The following COL25A1 variants were observed in gnomAD, a reference collection of about 807,000 sequenced individuals.
COL25A1 encodes collagen type XXV alpha 1 chain, also known as collagen alpha-1(XXV) chain.
A neutral mutation model predicts 128.4 loss-of-function variants in COL25A1; 103 were observed. That is an observed-to-expected ratio of 0.80 (90% CI 0.68 to 0.94). COL25A1 has a LOEUF of 0.94. COL25A1 is among the 40% of genes least tolerant of loss of function. The pLI, the probability that COL25A1 is intolerant of heterozygous loss-of-function variation, is 0.00. For synonymous variants in COL25A1, 279 were observed against 277.2 expected (o/e 1.01, Z -0.06); for missense variants, 745 against 840.0 (o/e 0.89, Z 1.40).
At chr4:108,955,574 G>C (rs1041806499) in intron 8 of COL25A1, among the ~76,000 whole-genome samples, 1 of 152,068 alleles carries the variant, frequency 6.6e-6, no homozygotes, top group Admixed American at 6.6e-5. Context: ...AATAAAAAAG[G>C]AAGTGAAAGT....
At chr4:108,865,319 T>G (rs1737753597) in intron 20 of COL25A1, among the ~76,000 whole-genome samples, 1 of 152,198 alleles carries the variant, frequency 6.6e-6, no homozygotes, top group African/African-American at 2.4e-5. Context: ...AAGATTCTTA[T>G]CTGTATCATG....
chr4:109,061,266 C>G (rs1237118460), intron 3 of COL25A1, among the ~76,000 whole-genome samples: 1 of 152,144 alleles, frequency 6.6e-6, no homozygotes, highest in African/African-American at 2.4e-5. Flanking sequence ...TTTTTCTCCT[C>G]TAGTATTTTT....
intron 3 of COL25A1, among the ~76,000 whole-genome samples, chr4:109,064,500 T>C (rs892615258): frequency 4.6e-5 from 7 of 152,222 alleles, no homozygotes; most frequent in Non-Finnish European, 8.8e-5. Context: ...GTTGTTTGTA[T>C]CTTTCTATCG....
chr4:108,833,175 AATT>A (rs1453091644), intron 31 of COL25A1, among the ~76,000 whole-genome samples: 1 of 152,108 alleles, frequency 6.6e-6, no homozygotes, highest in Non-Finnish European at 1.5e-5. Flanking sequence ...AGTAGAAGAA[AATT>A]ATTAAGTAAA....
chr4:109,007,948 G>A (rs1756196522), intron 6 of COL25A1, among the ~76,000 whole-genome samples: 1 of 152,136 alleles, frequency 6.6e-6, no homozygotes. Context: ...TACTATGACT[G>A]TGTTTCTTTT....
chr4:109,233,400 C>A (rs1256004326), intron 3 of COL25A1, among the ~76,000 whole-genome samples: 1 of 152,092 alleles, frequency 6.6e-6, no homozygotes, highest in Non-Finnish European at 1.5e-5. Context: ...TCTGATCCAA[C>A]TAGTACAAAA....
chr4:109,137,856 C>T lies in COL25A1; in HGVS notation c.368-87677G>A, dbSNP rs541582954. On this transcript the variant is annotated intron_variant, in intron 3 of 37. Transcript: ENST00000399132. ...ATTAACCAATGAGTAAAGTATCCTA[C>T]ATGCATCTGAAAGAAGAAGGCATGA... 1.1e-3 allele frequency among the ~76,000 whole-genome samples: 163 copies of T among 152,216 alleles called. 1 individual carries two copies. The highest frequency in any genetic ancestry group is 3.8e-3 in the African/African-American group (158 of 41,540).
intron 16 of COL25A1, among the ~76,000 whole-genome samples, chr4:108,895,938 CTTTTTTTTTT>C (rs35506597): frequency 1.4e-5 from 1 of 70,824 alleles, no homozygotes; most frequent in East Asian, 4.7e-4. Context: ...TATAATCAAA[CTTTTTTTTTT>C]TTTTTTTTTT....
chr4:109,122,599 G>A (rs909869623), intron 3 of COL25A1, among the ~76,000 whole-genome samples: 19 of 152,152 alleles, frequency 1.2e-4, no homozygotes, highest in African/African-American at 4.6e-4. Context: ...CTTATATGTT[G>A]TAACATGTAA....
chr4:108,853,910 C>T (rs1210533931), intron 24 of COL25A1, among the ~76,000 whole-genome samples: 1 of 152,122 alleles, frequency 6.6e-6, no homozygotes, highest in Non-Finnish European at 1.5e-5. Flanking sequence ...TTTATCCAGT[C>T]TATCATTGAT....
chr4:108,885,765 T>G (rs1359445707), intron 18 of COL25A1, among the ~76,000 whole-genome samples: 1 of 152,180 alleles, frequency 6.6e-6, no homozygotes, highest in Non-Finnish European at 1.5e-5. Flanking sequence ...AACGTATTGA[T>G]GGCAAATCTA....
Position 108,890,540 on chromosome 4 carries a change from G to T in COL25A1, c.907-807C>A, listed in dbSNP as rs79187723. Among the ~76,000 whole-genome samples the T allele has an allele frequency of 2.6e-3, 389 of 152,302 alleles. 4 individuals are homozygous for T. The highest frequency in any genetic ancestry group is 9.0e-3 in the African/African-American group (374 of 41,570). ...GGGGAAAATAATATGGAGGGTAGCT[G>T]GGAATGTTGCTTATTTCTGAAATGA... On this transcript the variant is annotated intron_variant, in intron 16 of 37. Coordinates refer to ENST00000399132, the MANE Select transcript of COL25A1 (RefSeq NM_198721.4).
Position 108,941,749 on chromosome 4 carries a change from C to T in COL25A1, c.493-312G>A, listed in dbSNP as rs530905655. On this transcript the variant is annotated intron_variant, in intron 8 of 37. Coordinates refer to ENST00000399132, the MANE Select transcript of COL25A1 (RefSeq NM_198721.4). The stretch of plus-strand genomic sequence containing the variant: ...CAGAAACAGGTAAGCAAGTGCACCC[C>T]TGCATTCTTCAGTCTGAGCAGAAAG... Among the ~76,000 whole-genome samples, 98 of 152,294 alleles carry T rather than the reference C, an allele frequency of 6.4e-4. 2 individuals are homozygous for T. The highest frequency in any genetic ancestry group is 8.3e-4 in the South Asian group (4 of 4,822).
intron 8 of COL25A1, among the ~76,000 whole-genome samples, chr4:108,948,240 T>C (rs1391410816): frequency 6.6e-6 from 1 of 152,232 alleles, no homozygotes; most frequent in Non-Finnish European, 1.5e-5. Context: ...CATTCCATAT[T>C]GCAGTAGATG....
chr4:108,942,815 GT>G (rs146750654), intron 8 of COL25A1, among the ~76,000 whole-genome samples: 6,142 of 147,668 alleles, frequency 0.042, 339 homozygotes, highest in African/African-American at 0.13. Context: ...CAGTGCAGTG[GT>G]TACAATCTCA....
At chr4:109,229,843 C>T (rs1483699311) in intron 3 of COL25A1, among the ~76,000 whole-genome samples, 1 of 152,132 alleles carries the variant, frequency 6.6e-6, no homozygotes, top group Non-Finnish European at 1.5e-5. Context: ...TAAAGAAATA[C>T]TTCAGATAGG....
chr4:109,116,817 G>A (rs1046786566), intron 3 of COL25A1, among the ~76,000 whole-genome samples: 7 of 151,896 alleles, frequency 4.6e-5, no homozygotes, highest in Admixed American at 1.3e-4. Context: ...TTATAAAAAA[G>A]CATTAAAAAA....
intron 3 of COL25A1, among the ~76,000 whole-genome samples, chr4:109,284,410 A>G (rs1723669926): frequency 6.6e-6 from 1 of 152,230 alleles, no homozygotes. Context: ...GGCCTGGATG[A>G]CAGAGTGAGA....
chr4:109,118,536 A>T (rs1767814870), intron 3 of COL25A1, among the ~76,000 whole-genome samples: 1 of 152,004 alleles, frequency 6.6e-6, no homozygotes, highest in Non-Finnish European at 1.5e-5. Flanking sequence ...GTTTTGAGAA[A>T]GATGTACCAC....
Sources: gnomAD v4.1 joint callset for allele counts (sites outside exome capture counted in the v4.1 genomes callset) on GRCh38, gnomAD v4.1.1 for gene constraint, MANE v1.5 for transcripts, NCBI Gene and HGNC (gene_info 2026-07-23, HGNC 2026-07-21) for gene names.